Variants in CLN8 observed in about 807,000 individuals in gnomAD.
CLN8 encodes CLN8 transmembrane ER and ERGIC protein, also known as protein CLN8.
Under a neutral mutation model 15.7 loss-of-function variants are expected in CLN8, and 14 were observed. The ratio of observed to expected loss-of-function variants is 0.89; its 90% confidence interval spans 0.59 to 1.39. CLN8 has a LOEUF of 1.39. CLN8 is among the 40% of genes most tolerant of loss of function. The pLI, the probability that CLN8 is intolerant of heterozygous loss-of-function variation, is 0.00. For missense variants in CLN8, 415 were observed against 364.0 expected (o/e 1.14, Z -1.14); for synonymous variants, 188 against 151.0 (o/e 1.25, Z -1.80).
Position 1,785,594 on chromosome 8 carries a change from C to G in CLN8, c.*5027C>G, listed in dbSNP as rs1368542734. ...GTGGCACAGGCGGCGTGGGGTTAGA[C>G]AGGTACCGGTCAGATTACGGTGGCA... On this transcript the variant is annotated 3_prime_UTR_variant, in exon 3 of 3. Coordinates refer to ENST00000331222, the MANE Select transcript of CLN8 (RefSeq NM_018941.4). The G allele has an allele frequency of 1.4e-4, 1 of 6,946 alleles. No homozygotes were observed. 0.4% of individuals were successfully genotyped at this position (6,946 alleles called of 1,614,324 possible).
Position 1,785,107 on chromosome 8 carries a change from G to C in CLN8, c.*4540G>C, listed in dbSNP as rs1194437426. 2 of 157,222 alleles carry C rather than the reference G, an allele frequency of 1.3e-5. No homozygotes were observed. The allele number at this position is 157,222 out of a possible 1,614,324, so 9.7% of individuals were successfully genotyped here. A position where few individuals can be genotyped will look rare whatever the true frequency, so the allele number is the denominator to read the frequency against. ...GTCAGAACTCTTGTTCTATGCGAAT[G>C]TGCTCACGCAGACAGAAGCGGAGGG... On this transcript the variant is annotated 3_prime_UTR_variant, in exon 3 of 3. Transcript: ENST00000331222.
chr8:1,764,116 C>G (rs905705497), intron 1 of CLN8, among the ~76,000 whole-genome samples: 2 of 149,820 alleles, frequency 1.3e-5, no homozygotes, highest in African/African-American at 2.5e-5. Context: ...GCGCGGGAGC[C>G]CACGTGAGGG....
upstream of CLN8, chr8:1,763,212 G>C (rs899174891): frequency 1.3e-5 from 2 of 151,884 alleles, no homozygotes; most frequent in Admixed American, 6.6e-5. Flanking sequence ...CTGGAGAACG[G>C]CGCGGTCAGG....
intron 2 of CLN8, 87 bp downstream of exon 2, chr8:1,771,684 C>T: frequency 6.4e-6 from 8 of 1,249,710 alleles, no homozygotes; most frequent in East Asian, 2.5e-5. Context: ...ATAAACTCAA[C>T]AGCAGGCTGG....
intron 1 of CLN8, among the ~76,000 whole-genome samples, chr8:1,765,563 G>A (rs932348975): frequency 1.3e-5 from 2 of 152,154 alleles, no homozygotes; most frequent in African/African-American, 4.8e-5. Context: ...TAATTCTCAT[G>A]TAAATAGCTC....
intron 2 of CLN8, among the ~76,000 whole-genome samples, chr8:1,778,687 A>C (rs1158405928): frequency 6.6e-6 from 1 of 152,206 alleles, no homozygotes; most frequent in Non-Finnish European, 1.5e-5. Context: ...GGGTGCCGTG[A>C]TGCACATGCG....
At chr8:1,757,542 G>C in intron 1 of CLN8, among the ~76,000 whole-genome samples, 1 of 152,184 alleles carries the variant, frequency 6.6e-6, no homozygotes, top group Non-Finnish European at 1.5e-5. Flanking sequence ...CCAGGTTCAT[G>C]TAATTCTCCT....
intron 1 of CLN8, chr8:1,765,084 G>A (rs949710592): frequency 6.6e-6 from 1 of 152,252 alleles, no homozygotes; most frequent in Non-Finnish European, 1.5e-5. Context: ...CGTCATGGAG[G>A]CTGTGGTTGT....
chr8:1,773,398 G>A (rs1226729041), intron 2 of CLN8, among the ~76,000 whole-genome samples: 1 of 152,194 alleles, frequency 6.6e-6, no homozygotes, highest in Non-Finnish European at 1.5e-5. Context: ...GCAGGAGGAG[G>A]TTGGGGGCCG....
chr8:1,780,703 CGCATTAGTATTAATTTTGAAGTA>C lies in CLN8; in HGVS notation c.*139_*161del. 1.3e-6 allele frequency: 1 copy of C among 755,168 alleles called. No homozygotes were observed. The highest frequency in any genetic ancestry group is 2.1e-6 in the Non-Finnish European group (1 of 470,094). 46.8% of individuals were successfully genotyped at this position (755,168 alleles called of 1,614,324 possible). On this transcript the variant is annotated 3_prime_UTR_variant, in exon 3 of 3. Transcript: ENST00000331222. ...TCTAAGGGAAATACTAACTTTCTTT[CGCATTAGTATTAATTTTGAAGTA>C]GCTACAAAGTATTTTTAAGAAATTA... is the stretch of plus-strand genomic sequence containing the variant.
At chr8:1,778,645 C>G (rs1048770467) in intron 2 of CLN8, among the ~76,000 whole-genome samples, 5 of 152,212 alleles carry the variant, frequency 3.3e-5, no homozygotes, top group Non-Finnish European at 5.9e-5. Context: ...GAAAGCCGCA[C>G]TGGCGGTCTC....
In CLN8 at chr8:1,783,388, C is replaced by G. The variant is rs1801754905; in HGVS notation, c.*2821C>G. 1 of 152,246 alleles carries G rather than the reference C, an allele frequency of 6.6e-6. No individual in the cohort carries two copies. Among genetic ancestry groups the G allele is most frequent in the Non-Finnish European group, 1.5e-5 (1 of 68,050 alleles). The allele number at this position is 152,246 out of a possible 1,614,324, so 9.4% of individuals were successfully genotyped here. A position where few individuals can be genotyped will look rare whatever the true frequency, so the allele number is the denominator to read the frequency against. Reference sequence around the variant, plus strand: ...CGATTGGGCAATATCGGCCTTAACTCCACCTGATGGCAGGTGACCCGGATA... The same window carrying G: ...CGATTGGGCAATATCGGCCTTAACTGCACCTGATGGCAGGTGACCCGGATA... On this transcript the variant is annotated 3_prime_UTR_variant, in exon 3 of 3. Transcript: ENST00000331222.
chr8:1,765,290 A>T (rs1308407282), intron 1 of CLN8: 1 of 152,220 alleles, frequency 6.6e-6, no homozygotes, highest in Non-Finnish European at 1.5e-5. Flanking sequence ...GAGAGAAGAG[A>T]AGCAGGCCGG....
upstream of CLN8, among the ~76,000 whole-genome samples, chr8:1,761,453 T>C (rs1000213038): frequency 2.8e-4 from 43 of 152,182 alleles, no homozygotes; most frequent in Non-Finnish European, 5.9e-5. Context: ...GGCTCCCAAG[T>C]AGTTGGCATT....
intron 2 of CLN8, chr8:1,773,875 A>G (rs554511366): frequency 6.6e-6 from 1 of 152,360 alleles, no homozygotes; most frequent in East Asian, 1.9e-4. Context: ...TGCCCTAAAC[A>G]TCAATACCAC....
chr8:1,773,276 G>A (rs1167842006), intron 2 of CLN8, among the ~76,000 whole-genome samples: 1 of 152,204 alleles, frequency 6.6e-6, no homozygotes, highest in Non-Finnish European at 1.5e-5. Context: ...ATGAGGGTGA[G>A]TGAGGCACAG....
Position 1,771,564 on chromosome 8 carries a change from G to A in CLN8, c.510G>A (p.Thr170=), listed in dbSNP as rs759153401. 2.2e-5 allele frequency: 36 copies of A among 1,613,874 alleles called. No homozygotes were observed. The highest frequency in any genetic ancestry group is 1.6e-4 in the African/African-American group (12 of 74,880). ...AMTTLLLEMS[T]PFTCVSWMLL... ...CCACGTTGCTCCTGGAGATGAGCAC[G>A]CCCTTTACCTGCGTTTCCTGGATGC... Residue 170 remains threonine (T), a synonymous_variant, in exon 2 of 3, where the codon ACG becomes ACA. Coordinates refer to ENST00000331222, the MANE Select transcript of CLN8 (RefSeq NM_018941.4).
intron 2 of CLN8, among the ~76,000 whole-genome samples, chr8:1,772,264 A>G (rs1479307821): frequency 6.6e-6 from 1 of 152,006 alleles, no homozygotes; most frequent in African/African-American, 2.4e-5. Flanking sequence ...AAACTGAAGT[A>G]ATATCTGTGC....
chr8:1,779,889 A>G (rs1801654558), intron 2 of CLN8: 5 of 953,372 alleles, frequency 5.2e-6, no homozygotes, highest in African/African-American at 1.8e-5. Context: ...GTTTTGCCAA[A>G]TAAGTATTGT....
Sources: gnomAD v4.1 joint callset for allele counts (sites outside exome capture counted in the v4.1 genomes callset) on GRCh38, gnomAD v4.1.1 for gene constraint, MANE v1.5 for transcripts, NCBI Gene and HGNC (gene_info 2026-07-23, HGNC 2026-07-21) for gene names.